Variants in TAF8 observed in about 807,000 individuals in gnomAD.
The protein encoded by TAF8 is TATA-box binding protein associated factor 8.
TAF8 carries 47 observed loss-of-function variants against 36.5 expected under a neutral mutation model. The observed-to-expected ratio is 1.29, with a 90% CI of 1.02 to 1.64. The LOEUF (loss-of-function observed/expected upper bound fraction) is 1.64, where lower values mean the gene tolerates loss of function less well. TAF8 is among the 40% of genes most tolerant of loss of function. TAF8 has a pLI of 0.00. For synonymous variants in TAF8, 175 were observed against 159.5 expected (o/e 1.10, Z -0.73); for missense variants, 420 against 407.6 (o/e 1.03, Z -0.26).
intron 7 of TAF8, among the ~76,000 whole-genome samples, chr6:42,073,002 C>T (rs11754740): frequency 1.3e-5 from 2 of 151,992 alleles, no homozygotes; most frequent in Admixed American, 6.6e-5. Context: ...GGATTACAGG[C>T]GTGAGCCACC....
chr6:42,052,257 A>G (rs1318870123), intron 2 of TAF8, among the ~76,000 whole-genome samples: 3 of 151,972 alleles, frequency 2.0e-5, no homozygotes, highest in South Asian at 2.1e-4. Context: ...CATGCAATAG[A>G]TATCATCACA....
chr6:42,053,982 C>A (rs1764891316), intron 2 of TAF8, among the ~76,000 whole-genome samples: 1 of 152,180 alleles, frequency 6.6e-6, no homozygotes, highest in African/African-American at 2.4e-5. Flanking sequence ...ACACCCTTCC[C>A]TGTCAAGTAC....
intron 6 of TAF8, among the ~76,000 whole-genome samples, chr6:42,067,313 G>T (rs1218735711): frequency 1.3e-5 from 2 of 152,172 alleles, no homozygotes; most frequent in East Asian, 3.8e-4. Flanking sequence ...CCGCCTCCCG[G>T]GTTCCAGCGA....
chr6:42,054,064 C>T (rs1024570616), intron 2 of TAF8, among the ~76,000 whole-genome samples: 2 of 152,120 alleles, frequency 1.3e-5, no homozygotes, highest in African/African-American at 4.8e-5. Context: ...CCCCTTTGTA[C>T]ATTTGATAAA....
chr6:42,050,710 G>A, intron 1 of TAF8, 124 bp downstream of exon 1: 2 of 1,248,476 alleles, frequency 1.6e-6, no homozygotes, highest in Non-Finnish European at 2.2e-6. Flanking sequence ...CTGGCGGAGG[G>A]TGTTTTCAGG....
At chr6:42,076,518 G>A (rs1374921761) in intron 7 of TAF8, among the ~76,000 whole-genome samples, 2 of 152,164 alleles carry the variant, frequency 1.3e-5, no homozygotes, top group Non-Finnish European at 2.9e-5. Flanking sequence ...TGCATGTGCT[G>A]GTACCTGCTG....
Position 42,058,780 on chromosome 6 carries a change from A to G in TAF8, c.489+1267A>G, listed in dbSNP as rs573784068. Among the ~76,000 whole-genome samples, 3 of 152,298 alleles carry G rather than the reference A, an allele frequency of 2.0e-5. No individual in the cohort carries two copies. In the South Asian group the frequency reaches 6.2e-4, roughly 32 times the overall value. On this transcript the variant is annotated intron_variant, in intron 5 of 8. Transcript: ENST00000372977. Reference sequence around the variant, plus strand: ...TTATTGTCTCACAGTTCTGGAGGCTAGAAGTCTAAAAGCAAGGTGTCATGC... The same window carrying G: ...TTATTGTCTCACAGTTCTGGAGGCTGGAAGTCTAAAAGCAAGGTGTCATGC...
intron 7 of TAF8, among the ~76,000 whole-genome samples, chr6:42,075,406 T>C: frequency 6.6e-6 from 1 of 152,192 alleles, no homozygotes; most frequent in Non-Finnish European, 1.5e-5. Flanking sequence ...TGGAACTGTG[T>C]CTTTGAAGAG....
chr6:42,075,065 C>A (rs1207931975), intron 7 of TAF8, among the ~76,000 whole-genome samples: 1 of 152,112 alleles, frequency 6.6e-6, no homozygotes, highest in Non-Finnish European at 1.5e-5. Context: ...ATGTGTATCT[C>A]AGAAAACATT....
chr6:42,086,228 TC>T (rs1766022756), downstream of TAF8, among the ~76,000 whole-genome samples: 1 of 152,134 alleles, frequency 6.6e-6, no homozygotes, highest in Non-Finnish European at 1.5e-5. Flanking sequence ...AATGTCACCT[TC>T]CTCCGGAAAA....
At chr6:42,068,341 T>C (rs1288987119) in intron 6 of TAF8, 124 bp from the exon 7 acceptor site, 1 of 1,032,596 alleles carries the variant, frequency 9.7e-7, no homozygotes, top group Admixed American at 1.9e-5. Flanking sequence ...TGTAAGTACT[T>C]GGAGCGAGTT....
intron 7 of TAF8, among the ~76,000 whole-genome samples, chr6:42,076,037 G>T (rs374346694): frequency 6.6e-6 from 1 of 152,042 alleles, no homozygotes; most frequent in South Asian, 2.1e-4. Flanking sequence ...GTGAAACCCC[G>T]TCTCTACTAA....
intron 4 of TAF8, among the ~76,000 whole-genome samples, chr6:42,056,849 G>A (rs1362935506): frequency 1.3e-5 from 2 of 152,074 alleles, no homozygotes; most frequent in African/African-American, 2.4e-5. Context: ...CGAGTGATCC[G>A]CCTGCCTCGG....
chr6:42,071,288 A>G (rs1350481522), intron 7 of TAF8: 3 of 201,450 alleles, frequency 1.5e-5, no homozygotes, highest in Non-Finnish European at 2.9e-5. Flanking sequence ...CTATTTGCTG[A>G]AGGTCTTATT....
At position 42,077,760 on chromosome 6, in the gene TAF8, T is replaced by A; in HGVS notation, c.*215T>A. ...AGATATGAACAGAATAATGAGAATTTTTTTTTTTATTTTGAGATGGAGTCT... is the reference window on the plus strand; with the variant it reads ...AGATATGAACAGAATAATGAGAATTATTTTTTTTATTTTGAGATGGAGTCT... On this transcript the variant is annotated 3_prime_UTR_variant, in exon 9 of 9. Coordinates refer to ENST00000372977, the MANE Select transcript of TAF8 (RefSeq NM_138572.3). The A allele has an allele frequency of 7.1e-7, 1 of 1,407,762 alleles. No homozygotes were observed. The highest frequency in any genetic ancestry group is 2.7e-4 in the Middle Eastern group (1 of 3,740). The allele number at this position is 1,407,762 out of a possible 1,614,324, so 87.2% of individuals were successfully genotyped here.
rs138805514 is a variant in TAF8, at chr6:42,081,190, T to TGC, written c.*3647_*3648dup. The TGC allele has an allele frequency of 1.3e-3, 199 of 154,616 alleles. No individual in the cohort carries two copies. The highest frequency in any genetic ancestry group is 2.1e-3 in the African/African-American group (88 of 41,190). The allele number at this position is 154,616 out of a possible 1,614,324, so 9.6% of individuals were successfully genotyped here. A position where few individuals can be genotyped will look rare whatever the true frequency, so the allele number is the denominator to read the frequency against. ...CCTGGAGTGTGTGTGTGTGTGTGTG[T>TGC]GCGTGTGTGTGCGTGTGAGACAGAG... On this transcript the variant is annotated 3_prime_UTR_variant, in exon 9 of 9. Coordinates refer to ENST00000372977, the MANE Select transcript of TAF8 (RefSeq NM_138572.3).
chr6:42,080,377 T>TCTTTTC lies in TAF8; in HGVS notation c.*2832_*2833insCTTTTC, dbSNP rs5875787. The TCTTTTC allele has an allele frequency of 2.2e-6, 2 of 902,786 alleles. No individual in the cohort carries two copies. Among genetic ancestry groups the TCTTTTC allele is most frequent in the Non-Finnish European group, 1.3e-6 (1 of 758,048 alleles). The allele number at this position is 902,786 out of a possible 1,614,324, so 55.9% of individuals were successfully genotyped here. A position where few individuals can be genotyped will look rare whatever the true frequency, so the allele number is the denominator to read the frequency against. On this transcript the variant is annotated 3_prime_UTR_variant, in exon 9 of 9. Coordinates refer to ENST00000372977, the MANE Select transcript of TAF8 (RefSeq NM_138572.3). Reference sequence around the variant, plus strand: ...TATACTCTTTTTTTTTCTTTTCTTTTTTTTTTTTTTTTGAGACGGCATCTC... The same window carrying TCTTTTC: ...TATACTCTTTTTTTTTCTTTTCTTTTCTTTTCTTTTTTTTTTTTGAGACGGCATCTC...
downstream of TAF8, chr6:42,086,876 G>GCTAC: frequency 1.0e-6 from 1 of 970,078 alleles, no homozygotes; most frequent in South Asian, 1.4e-5. Flanking sequence ...TGGTGCAGAT[G>GCTAC]CTACCCCACA....
At chr6:42,085,550 C>T (rs1220996611), downstream of TAF8, among the ~76,000 whole-genome samples, 5 of 152,146 alleles carry the variant, frequency 3.3e-5, no homozygotes, top group African/African-American at 9.7e-5. Context: ...AGGCCAGGCG[C>T]GGTGGCTTAT....
Sources: allele counts gnomAD v4.1 joint callset (sites outside exome capture counted in the v4.1 genomes callset), GRCh38; gene constraint gnomAD v4.1.1; transcripts MANE v1.5; gene names NCBI Gene and HGNC (gene_info 2026-07-23, HGNC 2026-07-21).